Variants in MGST2 observed in about 807,000 individuals in gnomAD.
The protein encoded by MGST2 is microsomal glutathione S-transferase 2, also known as glutathione peroxidase MGST2.
MGST2 carries 9 observed loss-of-function variants against 16.6 expected under a neutral mutation model. That is an observed-to-expected ratio of 0.54 (90% CI 0.33 to 0.95). MGST2 has a LOEUF of 0.95. Ranked by LOEUF, MGST2 falls within the 40% of genes least tolerant of loss-of-function variation. The pLI, the probability that MGST2 is intolerant of heterozygous loss-of-function variation, is 0.03. For missense variants in MGST2, 159 were observed against 175.1 expected, an observed-to-expected ratio of 0.91 and a Z score of 0.52; for synonymous variants, 79 against 68.0, an observed-to-expected ratio of 1.16 and a Z score of -0.79.
At chr4:139,724,669 A>G (rs755893161) in intron 5 of MGST2, among the ~76,000 whole-genome samples, 65 of 151,944 alleles carry the variant, frequency 4.3e-4, no homozygotes, top group Non-Finnish European at 6.2e-4. Flanking sequence ...TGGGATTAGG[A>G]TTTCTGCTGC....
At chr4:139,736,272 T>C (rs1394117173) in intron 5 of MGST2, among the ~76,000 whole-genome samples, 1 of 152,226 alleles carries the variant, frequency 6.6e-6, no homozygotes, top group African/African-American at 2.4e-5. Flanking sequence ...AGAGGCTTTC[T>C]CCTGCAAAGA....
At chr4:139,700,101 T>C (rs1173688056) in intron 3 of MGST2, among the ~76,000 whole-genome samples, 1 of 150,630 alleles carries the variant, frequency 6.6e-6, no homozygotes, top group East Asian at 2.0e-4. Context: ...CCAGGTACTG[T>C]TTTTGTTTTT....
In MGST2 at chr4:139,730,753, G is replaced by A. The variant is rs913874689; in HGVS notation, c.*49-9459G>A. ...AGGGAAGCCCCTGGAAAAAGGGAAC[G>A]GGGCAGAAGTCCCAGCTTATGGACT... On this transcript the variant is annotated intron_variant, in intron 5 of 5. Coordinates refer to the MGST2 transcript ENST00000616265. 233 of 1,252,836 alleles carry A rather than the reference G, an allele frequency of 1.9e-4. No individual in the cohort carries two copies. The East Asian group carries it at 5.0e-3, about 27-fold the overall frequency. The allele number at this position is 1,252,836 out of a possible 1,614,324, so 77.6% of individuals were successfully genotyped here. A position where few individuals can be genotyped will look rare whatever the true frequency, so the allele number is the denominator to read the frequency against.
At chr4:139,666,722 A>G (rs945920654) in intron 1 of MGST2, among the ~76,000 whole-genome samples, 1 of 152,164 alleles carries the variant, frequency 6.6e-6, no homozygotes, top group African/African-American at 2.4e-5. Context: ...CTTACCTACA[A>G]TGTCAGCTGG....
At chr4:139,686,027 C>T (rs1210374773) in intron 2 of MGST2, among the ~76,000 whole-genome samples, 2 of 152,188 alleles carry the variant, frequency 1.3e-5, no homozygotes, top group East Asian at 3.8e-4. Context: ...CTCAGGAGGT[C>T]CTGAGAACAC....
intron 2 of MGST2, among the ~76,000 whole-genome samples, chr4:139,691,693 TGATG>T (rs1560747921): frequency 0.063 from 9,015 of 143,084 alleles, 823 homozygotes; most frequent in African/African-American, 0.21. Flanking sequence ...ATGATGATGA[TGATG>T]ATTATTATTA....
At chr4:139,727,669 G>A (rs1728529910) in intron 5 of MGST2, among the ~76,000 whole-genome samples, 1 of 152,188 alleles carries the variant, frequency 6.6e-6, no homozygotes, top group Non-Finnish European at 1.5e-5. Context: ...TATGTGCTTT[G>A]AACTTTTGGA....
rs1259180964 is a variant in MGST2, at chr4:139,672,518, A to G, written c.59-6025A>G. ...GCCCATCTGTACATTCCTTCTCCTCACTCTGCTCTCTCAGGCTGCAGTATG... is the reference window on the plus strand; with the variant it reads ...GCCCATCTGTACATTCCTTCTCCTCGCTCTGCTCTCTCAGGCTGCAGTATG... On this transcript the variant is annotated intron_variant, in intron 1 of 4. Coordinates refer to ENST00000265498, the MANE Select transcript of MGST2 (RefSeq NM_002413.5). Among the ~76,000 whole-genome samples, 3 of 148,984 alleles carry G rather than the reference A, an allele frequency of 2.0e-5. No homozygotes were observed. The East Asian group carries it at 5.9e-4, about 29-fold the overall frequency.
At chr4:139,688,140 C>A (rs910197675) in intron 2 of MGST2, among the ~76,000 whole-genome samples, 4 of 152,184 alleles carry the variant, frequency 2.6e-5, no homozygotes, top group African/African-American at 9.7e-5. Context: ...GACCTCACTC[C>A]TTTTCATGTG....
chr4:139,711,394 T>G (rs1028590188), intron 5 of MGST2, among the ~76,000 whole-genome samples: 2 of 152,172 alleles, frequency 1.3e-5, no homozygotes, highest in Admixed American at 1.3e-4. Flanking sequence ...AAAGAATGGC[T>G]ACTCCATAGA....
chr4:139,752,928 C>T, the MGST2 span, among the ~76,000 whole-genome samples: 2 of 152,104 alleles, frequency 1.3e-5, no homozygotes, highest in African/African-American at 2.4e-5. Context: ...AATAGGATGG[C>T]GAGGTCTTTG....
chr4:139,748,186 G>T, the MGST2 span, among the ~76,000 whole-genome samples: 1 of 152,074 alleles, frequency 6.6e-6, no homozygotes, highest in South Asian at 2.1e-4. Context: ...GCTCTAAGAG[G>T]GCCTCCATCT....
rs767805537 is a variant in MGST2 at position 139,715,798 on chromosome 4, C to T, written c.*48+11602C>T. Among the ~76,000 whole-genome samples, 2 of 152,190 alleles carry T rather than the reference C, an allele frequency of 1.3e-5. No individual in the cohort carries two copies. Among genetic ancestry groups the T allele is most frequent in the Admixed American group, 6.5e-5 (1 of 15,288 alleles). On this transcript the variant is annotated intron_variant, in intron 5 of 5. Coordinates refer to the MGST2 transcript ENST00000616265. This position sits in a 1 kb window ranked among gnomAD's most constrained non-coding sequence, Gnocchi z 4.4. ...TTTGGTTTTGGTGGGCTTTGGCTGG[C>T]TCCTTTACTGCAAACTGTTTTATCA... is the stretch of plus-strand genomic sequence containing the variant.
intron 2 of MGST2, among the ~76,000 whole-genome samples, chr4:139,683,420 G>A (rs1731372601): frequency 6.6e-6 from 1 of 152,116 alleles, no homozygotes; most frequent in African/African-American, 2.4e-5. Flanking sequence ...ACTGGTTTTG[G>A]GGAAGTATTA....
chr4:139,694,791 A>G (rs191442613), intron 2 of MGST2, among the ~76,000 whole-genome samples: 118 of 152,336 alleles, frequency 7.7e-4, no homozygotes, highest in South Asian at 2.3e-3. Flanking sequence ...GGAATTATTT[A>G]AAGACCATTT....
At chr4:139,705,474 A>T (rs1410917446), downstream of MGST2, 1 of 152,174 alleles carries the variant, frequency 6.6e-6, no homozygotes. Context: ...TGCAGACTCC[A>T]GTTAGCCATC....
chr4:139,705,644 G>A (rs1487440785), downstream of MGST2: 1 of 81,300 alleles, frequency 1.2e-5, no homozygotes. Context: ...AATTTCAAGA[G>A]GAAGAAGTAA....
At chr4:139,720,393 A>AATT in intron 5 of MGST2, 7 of 1,402,496 alleles carry the variant, frequency 5.0e-6, no homozygotes, top group Non-Finnish European at 6.6e-6. Context: ...AAGATGTTGG[A>AATT]ATTTTCTTTG....
chr4:139,720,430 A>G, intron 5 of MGST2: 1 of 960,812 alleles, frequency 1.0e-6, no homozygotes, highest in Non-Finnish European at 1.5e-6. Context: ...TTTATATGAA[A>G]GGATCTACTC....
Sources: allele counts gnomAD v4.1 joint callset (sites outside exome capture counted in the v4.1 genomes callset), GRCh38; gene constraint gnomAD v4.1.1; non-coding constraint Gnocchi (gnomAD v3.1); transcripts MANE v1.5; gene names NCBI Gene and HGNC (gene_info 2026-07-23, HGNC 2026-07-21).